COL9A2: variants seen among roughly 807,000 people sequenced by gnomAD.
COL9A2 encodes collagen type IX alpha 2 chain.
Under a neutral mutation model 111.6 loss-of-function variants are expected in COL9A2, and 66 were observed. That is an observed-to-expected ratio of 0.59 (90% CI 0.48 to 0.73). The LOEUF (loss-of-function observed/expected upper bound fraction) is 0.73, where lower values mean the gene tolerates loss of function less well. COL9A2 is among the 30% of genes least tolerant of loss of function. The pLI is 0.00. For missense variants in COL9A2, 881 were observed against 954.1 expected, an observed-to-expected ratio of 0.92 and a Z score of 1.01; for synonymous variants, 353 against 364.1, an observed-to-expected ratio of 0.97 and a Z score of 0.35.
intron 1 of COL9A2, 141 bp from the exon 2 acceptor site, chr1:40,315,805 A>T: frequency 1.7e-6 from 1 of 598,504 alleles, no homozygotes; most frequent in Non-Finnish European, 3.0e-6. Flanking sequence ...TCTTCTGTAT[A>T]GCAGGCACTG....
chr1:40,315,575 A>G lies in COL9A2; in HGVS notation c.150+15T>C, dbSNP rs1644206009. The G allele has an allele frequency of 6.5e-7, 1 of 1,549,852 alleles. No individual in the cohort carries two copies. Among genetic ancestry groups the G allele is most frequent in the South Asian group, 1.2e-5 (1 of 83,978 alleles). ...GCCGCCTCCCTCCCGCCCTGGTCTC[A>G]GGTTAGAGACTTACGTCGATGCCGT... On this transcript the variant is annotated intron_variant, in intron 2 of 31. Transcript: ENST00000372748.
chr1:40,307,766 A>G lies in COL9A2; in HGVS notation c.901-10T>C, dbSNP rs772820832. ...TGATGCCTGGGGGGCCCTACCCAGG[A>G]GGAAAGTTCAAGGGAGAGTGATAAT... On this transcript the variant is annotated splice_polypyrimidine_tract_variant and intron_variant, in intron 17 of 31. Coordinates refer to ENST00000372748, the MANE Select transcript of COL9A2 (RefSeq NM_001852.4). This position sits in a 1 kb window ranked among gnomAD's most constrained non-coding sequence, Gnocchi z 4.8. 3 of 1,613,906 alleles carry G rather than the reference A, an allele frequency of 1.9e-6. No homozygotes were observed. The African/African-American group carries it at 4.0e-5, about 22-fold the overall frequency.
intron 1 of COL9A2, chr1:40,315,963 G>T (rs1644212525): frequency 3.0e-6 from 1 of 336,786 alleles, no homozygotes; most frequent in African/African-American, 2.1e-5. Flanking sequence ...CCAGGAGTCC[G>T]CCCTGGATCT....
chr1:40,308,826 G>A (rs750560982), intron 16 of COL9A2, among the ~76,000 whole-genome samples: 1 of 152,054 alleles, frequency 6.6e-6, no homozygotes, highest in Non-Finnish European at 1.5e-5. Flanking sequence ...AGGAAGGAGG[G>A]GTCTGGGGGA....
chr1:40,310,093 G>C lies in COL9A2; in HGVS notation c.792+18C>G. 6.2e-7 allele frequency: 1 copy of C among 1,614,012 alleles called. No homozygotes were observed. The highest frequency in any genetic ancestry group is 8.5e-7 in the Non-Finnish European group (1 of 1,179,910). On this transcript the variant is annotated intron_variant, in intron 15 of 31. Transcript: ENST00000372748. This position sits in a 1 kb window ranked among gnomAD's most constrained non-coding sequence, Gnocchi z 4.9. ...AGGAGCTCCAGCCTCAGGGGTAGGGGAGCAAAAAGAGGCTTACCGGTGGCC... is the reference window on the plus strand; with the variant it reads ...AGGAGCTCCAGCCTCAGGGGTAGGGCAGCAAAAAGAGGCTTACCGGTGGCC...
intron 24 of COL9A2, 75 bp downstream of exon 24, chr1:40,304,245 G>A: frequency 6.5e-7 from 1 of 1,536,288 alleles, no homozygotes; most frequent in Non-Finnish European, 8.8e-7. Context: ...GCTCCGGAAG[G>A]ATCTGAGTCC....
At chr1:40,304,914 GC>G in intron 21 of COL9A2, 67 bp from the exon 22 acceptor site, 1 of 1,395,082 alleles carries the variant, frequency 7.2e-7, no homozygotes, top group Non-Finnish European at 9.8e-7. Context: ...CACCTGGCCA[GC>G]CCCTCCCTAC....
rs1296663925 is a variant in COL9A2, at chr1:40,314,387, C to G, written c.151G>C (p.Gly51Arg). The change falls in exon 3 of 32, where the codon GGT becomes CGT. Residue 51 changes from glycine (G) to arginine (R), a missense_variant and splice_region_variant. Physicochemically the swap from Gly to Arg is moderately radical, Grantham distance 125. Coordinates refer to ENST00000372748, the MANE Select transcript of COL9A2 (RefSeq NM_001852.4). The surrounding 1 kb of genome is among the most constrained non-coding windows in gnomAD (Gnocchi z 4.1). ...GCTTTTCCAGGGGGCCCATTGTCAC[C>G]CTGCAAGATACAAGTTGGTGAGACA... ...PGVPGSDGIDGDNGPPGKAGP... is the reference protein window; with the variant it reads ...PGVPGSDGIDRDNGPPGKAGP... The G allele has an allele frequency of 1.9e-6, 3 of 1,614,148 alleles. No individual in the cohort carries two copies. Among genetic ancestry groups the G allele is most frequent in the Non-Finnish European group, 2.5e-6 (3 of 1,180,030 alleles).
In COL9A2 at chr1:40,317,172, CG is replaced by C. The variant is rs754420454; in HGVS notation, c.25del (p.Arg9AlafsTer10). 1 of 1,588,586 alleles carries C rather than the reference CG, an allele frequency of 6.3e-7. No homozygotes were observed. The highest frequency in any genetic ancestry group is 8.6e-7 in the Non-Finnish European group (1 of 1,167,706). ...CACCTGGAGGAGAACAAGGAGGCTGCGGGGGGAGGCCGTAGCGGCGGCCATG... is the reference window on the plus strand; with the variant it reads ...CACCTGGAGGAGAACAAGGAGGCTGCGGGGGAGGCCGTAGCGGCGGCCATG... MAAATASP[R>X]SLLVLLQVVV... On this transcript the variant is annotated frameshift_variant, in exon 1 of 32. Transcript: ENST00000372748. LOFTEE classifies it high-confidence loss of function. This position sits in a 1 kb window ranked among gnomAD's most constrained non-coding sequence, Gnocchi z 4.3.
At chr1:40,304,764 C>CG in intron 22 of COL9A2, 30 bp downstream of exon 22, 1 of 1,537,920 alleles carries the variant, frequency 6.5e-7, no homozygotes, top group South Asian at 1.2e-5. Context: ...CAGAGGCCCC[C>CG]GGGGAGGGGC....
Position 40,302,435 on chromosome 1 carries a change from G to C in COL9A2, c.1792+186C>G, listed in dbSNP as rs1395460536. On this transcript the variant is annotated intron_variant, in intron 30 of 31. Coordinates refer to ENST00000372748, the MANE Select transcript of COL9A2 (RefSeq NM_001852.4). This position sits in a 1 kb window ranked among gnomAD's most constrained non-coding sequence, Gnocchi z 4.5. ...AAAACAAACCCCAGAAACCCCGAGT[G>C]ATAACATAGTACATTCATTGCCATC... Among the ~76,000 whole-genome samples, 1 of 152,144 alleles carries C rather than the reference G, an allele frequency of 6.6e-6. No homozygotes were observed. Among genetic ancestry groups the C allele is most frequent in the Admixed American group, 6.5e-5 (1 of 15,274 alleles).
rs541042611 is a variant in COL9A2 at position 40,303,914 on chromosome 1, G to A, written c.1368+14C>T. 3.5e-5 allele frequency: 54 copies of A among 1,552,032 alleles called. No homozygotes were observed. In the South Asian group the frequency reaches 5.3e-4, roughly 15 times the overall value. ...AGCCGCCGCTCCCCGCCCTTCCCTA[G>A]GCCGCGCGCTCACCTTCTCGCCTTT... On this transcript the variant is annotated intron_variant, in intron 26 of 31. Transcript: ENST00000372748. This position sits in a 1 kb window ranked among gnomAD's most constrained non-coding sequence, Gnocchi z 4.6.
rs1557792293 is a variant in COL9A2 at position 40,303,512 on chromosome 1, CCCCGGGG to C, written c.1548+11_1548+17del. 1.9e-6 allele frequency: 3 copies of C among 1,612,808 alleles called. No individual in the cohort carries two copies. The highest frequency in any genetic ancestry group is 2.2e-5 in the East Asian group (1 of 44,870). On this transcript the variant is annotated intron_variant, in intron 28 of 31. Coordinates refer to ENST00000372748, the MANE Select transcript of COL9A2 (RefSeq NM_001852.4). The surrounding 1 kb of genome is among the most constrained non-coding windows in gnomAD (Gnocchi z 4.6). ...ATCTACCTAGAAGAAGCACCTCCTACCCCGGGGCCCGACTCACCTCCACGCCCTGTCT... is the reference window on the plus strand; with the variant it reads ...ATCTACCTAGAAGAAGCACCTCCTACCCCGACTCACCTCCACGCCCTGTCT...
At chr1:40,315,138 C>T in intron 2 of COL9A2, 1 of 844,788 alleles carries the variant, frequency 1.2e-6, no homozygotes, top group Non-Finnish European at 1.4e-6. Context: ...CTGCAGGGAA[C>T]AAGCCCAGCT....
Position 40,307,141 on chromosome 1 carries a change from G to A in COL9A2, c.1008+305C>T, listed in dbSNP as rs763812623. ...ATTATAGGCATGAGCCACTGCACCCGACCTCAATAACTACTTATTGAAGGA... is the reference window on the plus strand; with the variant it reads ...ATTATAGGCATGAGCCACTGCACCCAACCTCAATAACTACTTATTGAAGGA... On this transcript the variant is annotated intron_variant, in intron 19 of 31. Transcript: ENST00000372748. This position sits in a 1 kb window ranked among gnomAD's most constrained non-coding sequence, Gnocchi z 4.8. Among the ~76,000 whole-genome samples, 5 of 152,264 alleles carry A rather than the reference G, an allele frequency of 3.3e-5. No homozygotes were observed. The highest frequency in any genetic ancestry group is 1.9e-4 in the East Asian group (1 of 5,174).
chr1:40,301,414 C>A (rs765582256), intron 31 of COL9A2, 33 bp from the exon 32 acceptor site: 3 of 1,570,850 alleles, frequency 1.9e-6, no homozygotes, highest in Non-Finnish European at 8.6e-7. Flanking sequence ...ACATTAGGGG[C>A]ACCTCTTGTC....
In COL9A2 at chr1:40,317,175, G is replaced by A. The variant is rs1030392089; in HGVS notation, c.23C>T (p.Pro8Leu). The A allele has an allele frequency of 1.9e-6, 3 of 1,589,176 alleles. No homozygotes were observed. The highest frequency in any genetic ancestry group is 1.1e-5 in the South Asian group (1 of 87,260). MAAATAS[P>L]RSLLVLLQVV... ...CTGGAGGAGAACAAGGAGGCTGCGGGGGGAGGCCGTAGCGGCGGCCATGGC... is the reference window on the plus strand; with the variant it reads ...CTGGAGGAGAACAAGGAGGCTGCGGAGGGAGGCCGTAGCGGCGGCCATGGC... The change falls in exon 1 of 32, where the codon CCC becomes CTC. Residue 8 changes from proline to leucine, a missense_variant. Pro to Leu is a moderately conservative substitution (Grantham distance 98). Transcript: ENST00000372748. The surrounding 1 kb of genome is among the most constrained non-coding windows in gnomAD (Gnocchi z 4.3).
intron 2 of COL9A2, chr1:40,315,278 T>G: frequency 1.7e-6 from 2 of 1,176,500 alleles, no homozygotes; most frequent in East Asian, 4.8e-5. Context: ...GGGTGAGGGG[T>G]TGAGTCGCCT....
chr1:40,305,686 AC>A, intron 21 of COL9A2, 28 bp downstream of exon 21: 2 of 1,611,010 alleles, frequency 1.2e-6, no homozygotes, highest in South Asian at 2.2e-5. Context: ...TAAAGCAGGA[AC>A]CCTTGTGTCA....
Sources: gnomAD v4.1 joint callset for allele counts (sites outside exome capture counted in the v4.1 genomes callset) on GRCh38, gnomAD v4.1.1 for gene constraint, Gnocchi (gnomAD v3.1) non-coding constraint, MANE v1.5 for transcripts, NCBI Gene and HGNC (gene_info 2026-07-23, HGNC 2026-07-21) for gene names.